LRP1B: variants seen among roughly 807,000 people sequenced by gnomAD.
LRP1B encodes the protein low-density lipoprotein receptor-related protein 1B.
In LRP1B, 217 loss-of-function variants were observed where a neutral mutation model predicts 556.6. The observed-to-expected ratio is 0.39, with a 90% CI of 0.35 to 0.44. The LOEUF is 0.44. LRP1B is among the 20% of genes least tolerant of loss of function. The pLI is 1.00. For synonymous variants in LRP1B, 2,047 were observed against 1,865.8 expected (o/e 1.10, Z -2.50); for missense variants, 5,053 against 5,620.8 (o/e 0.90, Z 3.23).
At chr2:142,128,303 C>A (rs2105023940) in intron 1 of LRP1B, among the ~76,000 whole-genome samples, 1 of 152,216 alleles carries the variant, frequency 6.6e-6, no homozygotes, top group Non-Finnish European at 1.5e-5. Flanking sequence ...ACACGTAGAA[C>A]CTAAATGTGA....
intron 18 of LRP1B, among the ~76,000 whole-genome samples, chr2:140,952,195 C>A (rs1187278240): frequency 2.6e-5 from 4 of 152,104 alleles, no homozygotes; most frequent in Non-Finnish European, 4.4e-5. Flanking sequence ...CATTTGGATT[C>A]ATTATACTGC....
In LRP1B at chr2:141,121,334, C is replaced by T. The variant is rs543488661; in HGVS notation, c.1014-59061G>A. Among the ~76,000 whole-genome samples, 19 of 152,164 alleles carry T rather than the reference C, an allele frequency of 1.2e-4. 1 individual carries two copies. The East Asian group carries it at 3.7e-3, about 29-fold the overall frequency. On this transcript the variant is annotated intron_variant, in intron 7 of 90. Coordinates refer to ENST00000389484, the MANE Select transcript of LRP1B (RefSeq NM_018557.3). ...TTATAACATCATCCCATCCAACCTTCATCTCAGAAAGGAGTATATCATTTA... is the reference window on the plus strand; with the variant it reads ...TTATAACATCATCCCATCCAACCTTTATCTCAGAAAGGAGTATATCATTTA...
At position 141,011,071 on chromosome 2, in the gene LRP1B, C is replaced by CAGAGAGAGAG. The variant is rs143409764; in HGVS notation, c.2380+2475_2380+2484dup. Among the ~76,000 whole-genome samples, 428 of 142,802 alleles carry CAGAGAGAGAG rather than the reference C, an allele frequency of 3.0e-3. 4 individuals carry two copies. Among genetic ancestry groups the CAGAGAGAGAG allele is most frequent in the African/African-American group, 8.8e-3 (344 of 38,990 alleles). 93.7% of individuals were successfully genotyped at this position (142,802 alleles called of 152,430 possible). A position where few individuals can be genotyped will look rare whatever the true frequency, so the allele number is the denominator to read the frequency against. On this transcript the variant is annotated intron_variant, in intron 14 of 90. Coordinates refer to ENST00000389484, the MANE Select transcript of LRP1B (RefSeq NM_018557.3). ...TAACATCATATAATTTGTATTCTCTCAGAGAGAGAGAGAGAGAGAGAGAGA... is the reference window on the plus strand; with the variant it reads ...TAACATCATATAATTTGTATTCTCTCAGAGAGAGAGAGAGAGAGAGAGAGAGAGAGAGAGA...
chr2:140,856,651 A>G (rs192867767), intron 27 of LRP1B, among the ~76,000 whole-genome samples: 2 of 152,154 alleles, frequency 1.3e-5, no homozygotes, highest in Admixed American at 6.6e-5. Flanking sequence ...CTTTATTTAC[A>G]AGACAGAGGG....
intron 75 of LRP1B, among the ~76,000 whole-genome samples, chr2:140,355,330 A>G (rs893527298): frequency 2.6e-4 from 39 of 151,916 alleles, no homozygotes; most frequent in African/African-American, 8.9e-4. Context: ...AATAAATACC[A>G]TAGTTTGAAA....
chr2:141,185,009 A>G (rs1355712372), intron 7 of LRP1B, among the ~76,000 whole-genome samples: 1 of 152,084 alleles, frequency 6.6e-6, no homozygotes, highest in Admixed American at 6.6e-5. Context: ...TTGATGGGGT[A>G]GAATATTGGT....
chr2:140,544,835 C>A (rs1680268046), intron 43 of LRP1B, among the ~76,000 whole-genome samples: 1 of 152,216 alleles, frequency 6.6e-6, no homozygotes, highest in East Asian at 1.9e-4. Context: ...TGGGTATATA[C>A]CCAGTAATGG....
intron 7 of LRP1B, among the ~76,000 whole-genome samples, chr2:141,132,725 AG>A (rs1188628518): frequency 5.3e-5 from 8 of 152,014 alleles, no homozygotes; most frequent in Non-Finnish European, 7.4e-5. Context: ...CTTAAAAAAA[AG>A]TCTTAACTCT....
intron 1 of LRP1B, among the ~76,000 whole-genome samples, chr2:142,102,686 A>C (rs1283334016): frequency 6.6e-6 from 1 of 151,868 alleles, no homozygotes; most frequent in Admixed American, 6.6e-5. Context: ...TGGGTCATGG[A>C]AGATCTAGAA....
intron 86 of LRP1B, among the ~76,000 whole-genome samples, chr2:140,251,453 A>G (rs1216621964): frequency 6.6e-6 from 1 of 151,862 alleles, no homozygotes; most frequent in Non-Finnish European, 1.5e-5. Context: ...GTCTAGAGTC[A>G]CCCACTTTGG....
chr2:140,840,134 C>A (rs1692055141), intron 30 of LRP1B, 49 bp from the exon 31 acceptor site: 1 of 1,034,670 alleles, frequency 9.7e-7, no homozygotes, highest in South Asian at 1.4e-5. Flanking sequence ...TAGACCTACT[C>A]ACTGAGAAGA....
intron 32 of LRP1B, among the ~76,000 whole-genome samples, chr2:140,777,446 T>G (rs933770811): frequency 2.0e-5 from 3 of 152,164 alleles, no homozygotes; most frequent in African/African-American, 7.2e-5. Context: ...AGGTCCCTCC[T>G]GAAACTAAAC....
intron 2 of LRP1B, among the ~76,000 whole-genome samples, chr2:141,613,353 C>T (rs1009856883): frequency 1.3e-5 from 2 of 152,166 alleles, no homozygotes; most frequent in Non-Finnish European, 2.9e-5. Flanking sequence ...CCAAAAGTTG[C>T]ATGACCGTTT....
chr2:140,345,393 T>C (rs1681599082), intron 77 of LRP1B, among the ~76,000 whole-genome samples: 1 of 151,592 alleles, frequency 6.6e-6, no homozygotes, highest in African/African-American at 2.4e-5. Flanking sequence ...CAAAATACTC[T>C]CCTCTCTCAG....
intron 2 of LRP1B, among the ~76,000 whole-genome samples, chr2:141,651,391 C>T (rs970542314): frequency 5.3e-5 from 8 of 152,134 alleles, no homozygotes; most frequent in East Asian, 1.9e-4. Flanking sequence ...GGGCCAGGCA[C>T]GGTGGTTTAC....
At chr2:141,028,268 T>C (rs1010141777) in intron 11 of LRP1B, among the ~76,000 whole-genome samples, 25 of 151,724 alleles carry the variant, frequency 1.6e-4, no homozygotes, top group African/African-American at 6.0e-4. Flanking sequence ...ATACTTATGA[T>C]TCCACAGTAA....
At chr2:141,984,985 T>A (rs1283952802) in intron 1 of LRP1B, among the ~76,000 whole-genome samples, 1 of 152,134 alleles carries the variant, frequency 6.6e-6, no homozygotes, top group East Asian at 1.9e-4. Flanking sequence ...TGGGAAAGTA[T>A]TTTAAAATAG....
intron 31 of LRP1B, among the ~76,000 whole-genome samples, chr2:140,837,237 C>T (rs928163066): frequency 6.6e-6 from 1 of 152,020 alleles, no homozygotes; most frequent in African/African-American, 2.4e-5. Flanking sequence ...GTAAGGAAAC[C>T]AAGGACACCA....
intron 1 of LRP1B, among the ~76,000 whole-genome samples, chr2:141,840,852 A>T (rs79339521): frequency 0.014 from 2,183 of 152,006 alleles, 53 homozygotes; most frequent in African/African-American, 0.049. Flanking sequence ...CCAAATATGG[A>T]CTTCCTTTAC....
Sources: gnomAD v4.1 joint callset for allele counts (sites outside exome capture counted in the v4.1 genomes callset) on GRCh38, gnomAD v4.1.1 for gene constraint, MANE v1.5 for transcripts, NCBI Gene and HGNC (gene_info 2026-07-23, HGNC 2026-07-21) for gene names.